Variants in B3GALT1 observed in about 807,000 individuals in gnomAD.
The protein encoded by B3GALT1 is UDP-Gal:betaGlcNAc beta 1,3-galactosyltransferase, polypeptide 1.
A neutral mutation model predicts 23.2 loss-of-function variants in B3GALT1; 10 were observed. That is an observed-to-expected ratio of 0.43 (90% CI 0.27 to 0.73). The LOEUF (loss-of-function observed/expected upper bound fraction) is 0.73, where lower values mean the gene tolerates loss of function less well. Ranked by LOEUF, B3GALT1 falls within the 30% of genes least tolerant of loss-of-function variation. B3GALT1 has a pLI of 0.21. For missense variants in B3GALT1, 299 were observed against 405.4 expected, an observed-to-expected ratio of 0.74 and a Z score of 2.25; for synonymous variants, 156 against 141.5, an observed-to-expected ratio of 1.10 and a Z score of -0.73.
chr2:167,705,768 T>A (rs1686958428), intron 3 of B3GALT1, among the ~76,000 whole-genome samples: 1 of 152,206 alleles, frequency 6.6e-6, no homozygotes, highest in Non-Finnish European at 1.5e-5. Flanking sequence ...ACACTCATAT[T>A]CCAGCATCCA....
rs75141192 is a variant in B3GALT1, at chr2:167,662,752, C to T, written c.-352+15786C>T. On this transcript the variant is annotated intron_variant, in intron 3 of 4. Coordinates refer to ENST00000392690, the MANE Select transcript of B3GALT1 (RefSeq NM_020981.4). The stretch of plus-strand genomic sequence containing the variant: ...GGGCCCCACCTCTCTGGTTTCATCT[C>T]GTATCACCTCTCTCCTTTGCATGCT... Among the ~76,000 whole-genome samples the T allele has an allele frequency of 5.4e-3, 817 of 151,960 alleles. 23 individuals carry two copies. In the East Asian group the frequency reaches 0.07, roughly 13 times the overall value.
chr2:167,735,217 C>CA (rs1455578413), intron 3 of B3GALT1, among the ~76,000 whole-genome samples: 1 of 152,186 alleles, frequency 6.6e-6, no homozygotes, highest in East Asian at 1.9e-4. Context: ...GTGAATATGG[C>CA]AAAAGTGAAA....
chr2:167,561,094 A>G (rs1219465458), intron 2 of B3GALT1, among the ~76,000 whole-genome samples: 1 of 152,216 alleles, frequency 6.6e-6, no homozygotes, highest in Non-Finnish European at 1.5e-5. Context: ...AACAGAAATT[A>G]TAACAAACTC....
intron 4 of B3GALT1, among the ~76,000 whole-genome samples, chr2:167,849,051 CTA>C (rs969920609): frequency 1.2e-4 from 18 of 152,276 alleles, no homozygotes; most frequent in African/African-American, 3.9e-4. Flanking sequence ...GCAGGGAAAA[CTA>C]TGAGACACTG....
intron 2 of B3GALT1, among the ~76,000 whole-genome samples, chr2:167,523,479 G>T (rs1400789641): frequency 6.6e-6 from 1 of 150,504 alleles, no homozygotes; most frequent in Non-Finnish European, 1.5e-5. Flanking sequence ...AGGCTGGAGT[G>T]CAGTGGCACA....
chr2:167,365,572 A>G (rs1254528656), intron 1 of B3GALT1, among the ~76,000 whole-genome samples: 1 of 143,700 alleles, frequency 7.0e-6, no homozygotes, highest in Non-Finnish European at 1.5e-5. Context: ...CATATTCATA[A>G]TAGAGATACA....
chr2:167,741,626 A>G (rs1418779921), intron 3 of B3GALT1, among the ~76,000 whole-genome samples: 1 of 152,188 alleles, frequency 6.6e-6, no homozygotes, highest in Non-Finnish European at 1.5e-5. Context: ...CCTCCCTGCC[A>G]GGGTGGACCA....
At chr2:167,534,033 G>A (rs955501569) in intron 2 of B3GALT1, among the ~76,000 whole-genome samples, 2 of 151,964 alleles carry the variant, frequency 1.3e-5, no homozygotes, top group African/African-American at 4.8e-5. Context: ...TTGGTAATTT[G>A]CCTTTATTCT....
At chr2:167,310,770 C>G (rs1696623793) in intron 1 of B3GALT1, among the ~76,000 whole-genome samples, 1 of 151,644 alleles carries the variant, frequency 6.6e-6, no homozygotes, top group Non-Finnish European at 1.5e-5. Flanking sequence ...GAATTGATAA[C>G]AAGAAAAAAA....
At chr2:167,449,752 A>G (rs1699057285) in intron 1 of B3GALT1, among the ~76,000 whole-genome samples, 1 of 152,056 alleles carries the variant, frequency 6.6e-6, no homozygotes, top group African/African-American at 2.4e-5. Context: ...CTTTTACTAC[A>G]TTGAGGTATG....
intron 2 of B3GALT1, among the ~76,000 whole-genome samples, chr2:167,591,610 C>T (rs1186352108): frequency 1.3e-5 from 2 of 152,072 alleles, no homozygotes; most frequent in Non-Finnish European, 2.9e-5. Flanking sequence ...GCTGGAACTA[C>T]AGGTGCATGC....
At chr2:167,830,394 T>G (rs116184556) in intron 4 of B3GALT1, among the ~76,000 whole-genome samples, 1 of 150,914 alleles carries the variant, frequency 6.6e-6, no homozygotes, top group Non-Finnish European at 1.5e-5. Flanking sequence ...AAAAAAAGTT[T>G]GGTTAGACAA....
intron 1 of B3GALT1, among the ~76,000 whole-genome samples, chr2:167,312,746 G>A (rs772786435): frequency 5.3e-5 from 8 of 152,044 alleles, no homozygotes; most frequent in Admixed American, 2.0e-4. Flanking sequence ...AAGGAAGAAG[G>A]TGGGAAAAAC....
intron 1 of B3GALT1, among the ~76,000 whole-genome samples, chr2:167,429,017 C>T (rs1039926138): frequency 3.9e-4 from 59 of 152,018 alleles, no homozygotes; most frequent in Admixed American, 2.3e-3. Flanking sequence ...CGGTGGCTCA[C>T]GCCTGTAATC....
At chr2:167,642,530 C>G (rs1558934460) in intron 2 of B3GALT1, among the ~76,000 whole-genome samples, 1 of 152,162 alleles carries the variant, frequency 6.6e-6, no homozygotes, top group Non-Finnish European at 1.5e-5. Context: ...CAAATCTCTG[C>G]TCAAATGTCA....
At chr2:167,354,362 T>G (rs1298007777) in intron 1 of B3GALT1, among the ~76,000 whole-genome samples, 1 of 151,066 alleles carries the variant, frequency 6.6e-6, no homozygotes, top group Admixed American at 6.6e-5. Flanking sequence ...TTTTTTTTTT[T>G]TTTGAGATGG....
At chr2:167,448,856 GT>G (rs1247127081) in intron 1 of B3GALT1, among the ~76,000 whole-genome samples, 1 of 152,130 alleles carries the variant, frequency 6.6e-6, no homozygotes, top group Non-Finnish European at 1.5e-5. Flanking sequence ...TGAATAGGGT[GT>G]GCTTTCTCCA....
intron 1 of B3GALT1, among the ~76,000 whole-genome samples, chr2:167,344,976 C>G (rs1697207054): frequency 6.6e-6 from 1 of 152,062 alleles, no homozygotes; most frequent in South Asian, 2.1e-4. Flanking sequence ...TTGGAGCTGT[C>G]AATTAAGGGA....
intron 2 of B3GALT1, among the ~76,000 whole-genome samples, chr2:167,550,971 A>C (rs1160184732): frequency 6.6e-6 from 1 of 152,060 alleles, no homozygotes; most frequent in Admixed American, 6.6e-5. Context: ...CCGTTCCTTC[A>C]ATCTAGTGAT....
Sources: gnomAD v4.1 joint callset for allele counts (sites outside exome capture counted in the v4.1 genomes callset) on GRCh38, gnomAD v4.1.1 for gene constraint, MANE v1.5 for transcripts, NCBI Gene and HGNC (gene_info 2026-07-23, HGNC 2026-07-21) for gene names.